Variants in ZMAT3 observed in about 807,000 individuals in gnomAD.
ZMAT3 encodes zinc finger matrin-type protein 3.
Under a neutral mutation model 32.3 loss-of-function variants are expected in ZMAT3, and 17 were observed. That is an observed-to-expected ratio of 0.53 (90% CI 0.36 to 0.79). The LOEUF (loss-of-function observed/expected upper bound fraction) is 0.79, where lower values mean the gene tolerates loss of function less well. ZMAT3 is among the 30% of genes least tolerant of loss of function. ZMAT3 has a pLI of 0.00. For synonymous variants in ZMAT3, 120 were observed against 133.1 expected (o/e 0.90, Z 0.68); for missense variants, 329 against 359.7 (o/e 0.91, Z 0.69).
chr3:179,049,162 C>A (rs890190922), intron 2 of ZMAT3, among the ~76,000 whole-genome samples: 2 of 152,132 alleles, frequency 1.3e-5, no homozygotes, highest in Non-Finnish European at 2.9e-5. Flanking sequence ...CTGGAGCTTC[C>A]AAACTTATAA....
At chr3:179,041,679 GAAGT>G (rs1033863520) in intron 2 of ZMAT3, among the ~76,000 whole-genome samples, 7 of 152,080 alleles carry the variant, frequency 4.6e-5, no homozygotes, top group African/African-American at 7.2e-5. Context: ...AAGAACTAGA[GAAGT>G]AAGAGCAAAC....
chr3:179,060,387 A>T (rs1272584844), intron 2 of ZMAT3, among the ~76,000 whole-genome samples: 4 of 147,524 alleles, frequency 2.7e-5, no homozygotes, highest in African/African-American at 7.4e-5. Context: ...AAGAAAGAAT[A>T]TTTTTTTTTT....
chr3:179,042,337 C>G (rs1195941445), intron 2 of ZMAT3, among the ~76,000 whole-genome samples: 2 of 152,150 alleles, frequency 1.3e-5, no homozygotes, highest in Non-Finnish European at 2.9e-5. Flanking sequence ...AAAATACTGG[C>G]AAACCGAATC....
chr3:179,049,695 CA>C (rs1720436896), intron 2 of ZMAT3, among the ~76,000 whole-genome samples: 1 of 152,106 alleles, frequency 6.6e-6, no homozygotes, highest in South Asian at 2.1e-4. Flanking sequence ...CTGCCTACAT[CA>C]AAAAGTTTGA....
chr3:179,070,469 T>C (rs1721652371), intron 1 of ZMAT3, among the ~76,000 whole-genome samples: 1 of 152,212 alleles, frequency 6.6e-6, no homozygotes, highest in Admixed American at 6.5e-5. Flanking sequence ...CAACACAATG[T>C]CGACTCCTCA....
In ZMAT3 at chr3:179,023,359, C is replaced by T. The variant is rs1320001510; in HGVS notation, c.*1658G>A. ...TCTATCATATACTTGTTAGTATCTT[C>T]AAGAAAGCCGAATTACAAAGAATAA... On this transcript the variant is annotated 3_prime_UTR_variant, in exon 6 of 6. Coordinates refer to ENST00000311417, the MANE Select transcript of ZMAT3 (RefSeq NM_022470.4). The T allele has an allele frequency of 6.6e-6, 1 of 151,690 alleles. No homozygotes were observed. The highest frequency in any genetic ancestry group is 1.5e-5 in the Non-Finnish European group (1 of 67,950). The allele number at this position is 151,690 out of a possible 1,614,324, so 9.4% of individuals were successfully genotyped here.
rs1470882407 is a variant in ZMAT3 at position 179,019,828 on chromosome 3, C to T, written c.*5189G>A. The T allele has an allele frequency of 6.6e-6, 1 of 151,924 alleles. No homozygotes were observed. The highest frequency in any genetic ancestry group is 1.5e-5 in the Non-Finnish European group (1 of 67,968). The allele number at this position is 151,924 out of a possible 1,614,324, so 9.4% of individuals were successfully genotyped here. A position where few individuals can be genotyped will look rare whatever the true frequency, so the allele number is the denominator to read the frequency against. Reference sequence around the variant, plus strand: ...TTTAGCTGCAAATACATAATTTTTCCCCTCTCTACAGAAGACAAGTTTGAA... The same window carrying T: ...TTTAGCTGCAAATACATAATTTTTCTCCTCTCTACAGAAGACAAGTTTGAA... On this transcript the variant is annotated 3_prime_UTR_variant, in exon 6 of 6. Coordinates refer to ENST00000311417, the MANE Select transcript of ZMAT3 (RefSeq NM_022470.4).
At chr3:179,043,493 A>G (rs1269074084) in intron 2 of ZMAT3, among the ~76,000 whole-genome samples, 1 of 152,248 alleles carries the variant, frequency 6.6e-6, no homozygotes, top group East Asian at 1.9e-4. Flanking sequence ...TATTTAATAA[A>G]TGGTGCTGGG....
In ZMAT3 at chr3:179,030,828, C is replaced by T. The variant is rs1719141275; in HGVS notation, c.390+52G>A. 3 of 1,576,042 alleles carry T rather than the reference C, an allele frequency of 1.9e-6. No homozygotes were observed. The East Asian group carries it at 6.8e-5, about 36-fold the overall frequency. On this transcript the variant is annotated intron_variant, in intron 3 of 5. Transcript: ENST00000311417. ...CAAATGTCATCTATAACCATTTGTG[C>T]ATATTACAGCTTCCACCCTAATGCT...
intron 2 of ZMAT3, among the ~76,000 whole-genome samples, chr3:179,050,770 C>T (rs532754405): frequency 6.6e-6 from 1 of 152,286 alleles, no homozygotes; most frequent in South Asian, 2.1e-4. Context: ...GATAATCCAC[C>T]ATGATCAAGT....
rs1158497516 is a variant in ZMAT3 at position 179,019,618 on chromosome 3, C to G, written c.*5399G>C. The G allele has an allele frequency of 6.6e-6, 1 of 152,014 alleles. No individual in the cohort carries two copies. Among genetic ancestry groups the G allele is most frequent in the Non-Finnish European group, 1.5e-5 (1 of 67,984 alleles). 9.4% of individuals were successfully genotyped at this position (152,014 alleles called of 1,614,324 possible). Reference sequence around the variant, plus strand: ...AATGTTGAGGAACATGTTAACATTTCTATAATAAAATCAGTCTAGCAGGGC... The same window carrying G: ...AATGTTGAGGAACATGTTAACATTTGTATAATAAAATCAGTCTAGCAGGGC... On this transcript the variant is annotated 3_prime_UTR_variant, in exon 6 of 6. Coordinates refer to ENST00000311417, the MANE Select transcript of ZMAT3 (RefSeq NM_022470.4).
Position 179,023,209 on chromosome 3 carries a change from T to G in ZMAT3, c.*1808A>C, listed in dbSNP as rs1463817122. The stretch of plus-strand genomic sequence containing the variant: ...CGGAGTATTGCTCTGTCGCCCAGAC[T>G]GGAGTGCAGTGGCACGATTCTTGGC... On this transcript the variant is annotated 3_prime_UTR_variant, in exon 6 of 6. Coordinates refer to ENST00000311417, the MANE Select transcript of ZMAT3 (RefSeq NM_022470.4). The G allele has an allele frequency of 5.9e-5, 9 of 151,450 alleles. No individual in the cohort carries two copies. Among genetic ancestry groups the G allele is most frequent in the South Asian group, 2.1e-4 (1 of 4,794 alleles). 9.4% of individuals were successfully genotyped at this position (151,450 alleles called of 1,614,324 possible).
intron 2 of ZMAT3, among the ~76,000 whole-genome samples, chr3:179,035,452 C>G (rs1322240440): frequency 6.6e-6 from 1 of 152,186 alleles, no homozygotes; most frequent in Non-Finnish European, 1.5e-5. Context: ...TCTAATCTTT[C>G]AAGTCTCAAC....
chr3:179,066,447 A>G (rs996224931), intron 2 of ZMAT3, among the ~76,000 whole-genome samples: 1 of 152,242 alleles, frequency 6.6e-6, no homozygotes, highest in Non-Finnish European at 1.5e-5. Flanking sequence ...GCAACACAAT[A>G]ATCAGTCTTT....
chr3:179,057,104 A>C (rs1353160323), intron 2 of ZMAT3, among the ~76,000 whole-genome samples: 1 of 152,180 alleles, frequency 6.6e-6, no homozygotes, highest in East Asian at 1.9e-4. Flanking sequence ...CCCGAGGCCC[A>C]ACAAGGACTC....
intron 2 of ZMAT3, among the ~76,000 whole-genome samples, chr3:179,049,842 A>G (rs1720445656): frequency 6.6e-6 from 1 of 151,864 alleles, no homozygotes; most frequent in Non-Finnish European, 1.5e-5. Context: ...AATACAAAAA[A>G]TTAGCTGGGC....
chr3:179,048,819 C>A (rs1355847720), intron 2 of ZMAT3, among the ~76,000 whole-genome samples: 2 of 149,178 alleles, frequency 1.3e-5, no homozygotes, highest in East Asian at 3.9e-4. Context: ...TAGTACTTCA[C>A]ATGTCAATAT....
At chr3:179,056,664 C>T (rs1014017741) in intron 2 of ZMAT3, among the ~76,000 whole-genome samples, 3 of 152,178 alleles carry the variant, frequency 2.0e-5, no homozygotes, top group Admixed American at 2.0e-4. Flanking sequence ...GTATGCTTGA[C>T]CATTGAGAGC....
intron 2 of ZMAT3, among the ~76,000 whole-genome samples, chr3:179,061,487 G>A (rs4955794): frequency 0.61 from 93,197 of 151,950 alleles, 28,750 homozygotes; most frequent in East Asian, 0.8. Context: ...AGAAAACAGT[G>A]GGTTTCATGA....
Sources: gnomAD v4.1 joint callset for allele counts (sites outside exome capture counted in the v4.1 genomes callset) on GRCh38, gnomAD v4.1.1 for gene constraint, MANE v1.5 for transcripts, NCBI Gene and HGNC (gene_info 2026-07-23, HGNC 2026-07-21) for gene names.